GABRB1: variants seen among roughly 807,000 people sequenced by gnomAD.
The protein encoded by GABRB1 is gamma-aminobutyric acid receptor subunit beta-1.
GABRB1 carries 17 observed loss-of-function variants against 51.6 expected under a neutral mutation model. The observed-to-expected ratio is 0.33, with a 90% CI of 0.23 to 0.49. The LOEUF is 0.49. GABRB1 is among the 20% of genes least tolerant of loss of function. GABRB1 has a pLI of 0.99. For synonymous variants in GABRB1, 247 were observed against 218.9 expected, an observed-to-expected ratio of 1.13 and a Z score of -1.14; for missense variants, 410 against 600.6, an observed-to-expected ratio of 0.68 and a Z score of 3.32.
intron 3 of GABRB1, among the ~76,000 whole-genome samples, chr4:47,093,260 A>G (rs77808825): frequency 0.031 from 4,687 of 152,320 alleles, 103 homozygotes; most frequent in Non-Finnish European, 0.048. Flanking sequence ...ATGATTTACC[A>G]GTTCCTCAAC....
intron 5 of GABRB1, among the ~76,000 whole-genome samples, chr4:47,338,863 A>AT (rs1339913991): frequency 1.3e-5 from 2 of 152,100 alleles, no homozygotes; most frequent in Non-Finnish European, 2.9e-5. Context: ...TAAATCTTCC[A>AT]TTTTTTTAAG....
At chr4:47,246,299 T>TATATATATATATATATATATAC (rs1329276891) in intron 4 of GABRB1, among the ~76,000 whole-genome samples, 1 of 84,170 alleles carries the variant, frequency 1.2e-5, no homozygotes, top group African/African-American at 4.7e-5. Context: ...TATATATATA[T>TATATATATATATATATATATAC]ACACACACAC....
chr4:47,420,690 A>G (rs959095796), intron 8 of GABRB1, among the ~76,000 whole-genome samples: 3 of 152,134 alleles, frequency 2.0e-5, no homozygotes, highest in Admixed American at 1.3e-4. Context: ...CCCTTTCTCC[A>G]TGGATATTAT....
intron 3 of GABRB1, among the ~76,000 whole-genome samples, chr4:47,122,497 A>G (rs1432641899): frequency 6.6e-6 from 1 of 152,206 alleles, no homozygotes; most frequent in Non-Finnish European, 1.5e-5. Context: ...GTAAAAGGTA[A>G]TTCTAACATA....
chr4:47,347,398 G>A (rs1726141097), intron 5 of GABRB1, among the ~76,000 whole-genome samples: 1 of 152,066 alleles, frequency 6.6e-6, no homozygotes, highest in South Asian at 2.1e-4. Flanking sequence ...TTATATTGAA[G>A]AGCAAATATA....
At chr4:47,224,694 G>T (rs2109828106) in intron 4 of GABRB1, among the ~76,000 whole-genome samples, 1 of 152,228 alleles carries the variant, frequency 6.6e-6, no homozygotes, top group East Asian at 1.9e-4. Flanking sequence ...CAAAGCCAAA[G>T]CCATTTAAAA....
rs180910609 is a variant in GABRB1, at chr4:47,325,786, T to G, written c.544+5577T>G. Among the ~76,000 whole-genome samples, 19 of 152,318 alleles carry G rather than the reference T, an allele frequency of 1.2e-4. 1 individual carries two copies. The highest frequency in any genetic ancestry group is 1.2e-3 in the Admixed American group (18 of 15,296). The stretch of plus-strand genomic sequence containing the variant: ...TTCTTGAGACTCCTCCAATCTAAGT[T>G]AGGAACCAGTAGTTATTCTCTTTCA... On this transcript the variant is annotated intron_variant, in intron 5 of 8. Transcript: ENST00000295454.
At chr4:47,082,490 G>A (rs948456785) in intron 3 of GABRB1, among the ~76,000 whole-genome samples, 7 of 152,034 alleles carry the variant, frequency 4.6e-5, no homozygotes, top group Non-Finnish European at 1.0e-4. Flanking sequence ...TATTTTAAAA[G>A]AGAACAACTT....
intron 4 of GABRB1, among the ~76,000 whole-genome samples, chr4:47,245,881 G>A (rs1721718811): frequency 2.0e-5 from 3 of 148,512 alleles, no homozygotes; most frequent in Admixed American, 2.0e-4. Flanking sequence ...AGGTCTACCT[G>A]GGAAACTATT....
intron 3 of GABRB1, among the ~76,000 whole-genome samples, chr4:47,086,080 A>C (rs1205180668): frequency 6.6e-6 from 1 of 152,260 alleles, no homozygotes; most frequent in Non-Finnish European, 1.5e-5. Context: ...AAGACAATTT[A>C]GGGAAAACTC....
chr4:47,027,850 T>C (rs1725150354), upstream of GABRB1, among the ~76,000 whole-genome samples: 1 of 151,614 alleles, frequency 6.6e-6, no homozygotes, highest in South Asian at 2.1e-4. Context: ...AATTATATCA[T>C]ATTAGGTTAA....
At chr4:46,994,095 G>C (rs1465830807) in intron 1 of GABRB1, 1 of 152,358 alleles carries the variant, frequency 6.6e-6, no homozygotes, top group Non-Finnish European at 1.5e-5. Context: ...GGGCGGTAGG[G>C]AGAGCAATGA....
chr4:47,358,293 A>G (rs1310004452), intron 5 of GABRB1, among the ~76,000 whole-genome samples: 1 of 152,056 alleles, frequency 6.6e-6, no homozygotes, highest in Non-Finnish European at 1.5e-5. Context: ...GTATGTGTGT[A>G]TATGTATATA....
intron 3 of GABRB1, among the ~76,000 whole-genome samples, chr4:47,142,226 G>A (rs934337692): frequency 1.3e-5 from 2 of 151,872 alleles, no homozygotes; most frequent in Non-Finnish European, 2.9e-5. Flanking sequence ...CTAAATGAGA[G>A]TTGGAGAGGA....
chr4:47,070,136 A>G (rs1727263850), intron 3 of GABRB1, among the ~76,000 whole-genome samples: 1 of 151,934 alleles, frequency 6.6e-6, no homozygotes, highest in African/African-American at 2.4e-5. Flanking sequence ...TCTGAGCTCA[A>G]GCCATTCTCC....
chr4:47,136,533 A>T (rs1716665367), intron 3 of GABRB1, among the ~76,000 whole-genome samples: 2 of 152,090 alleles, frequency 1.3e-5, no homozygotes, highest in Admixed American at 1.3e-4. Flanking sequence ...AAAATATATA[A>T]AAACAAAGAA....
intron 4 of GABRB1, among the ~76,000 whole-genome samples, chr4:47,202,279 C>G (rs528739030): frequency 5.3e-5 from 8 of 152,146 alleles, no homozygotes; most frequent in African/African-American, 1.7e-4. Flanking sequence ...GAAGAAGGTG[C>G]CTTGCTTCCC....
intron 4 of GABRB1, among the ~76,000 whole-genome samples, chr4:47,249,318 T>C (rs1286816111): frequency 6.6e-6 from 1 of 152,154 alleles, no homozygotes; most frequent in Admixed American, 6.5e-5. Flanking sequence ...TGCATGGTTT[T>C]GAAGGTTCCT....
At chr4:47,061,242 T>C (rs559254818) in intron 3 of GABRB1, among the ~76,000 whole-genome samples, 2 of 152,228 alleles carry the variant, frequency 1.3e-5, no homozygotes, top group South Asian at 4.1e-4. Context: ...TTTTCCCCCA[T>C]CCATTCTATG....
Sources: allele counts gnomAD v4.1 joint callset (sites outside exome capture counted in the v4.1 genomes callset), GRCh38; gene constraint gnomAD v4.1.1; transcripts MANE v1.5; gene names NCBI Gene and HGNC (gene_info 2026-07-23, HGNC 2026-07-21).